Variants in AOAH observed in about 807,000 individuals in gnomAD.
The protein encoded by AOAH is acyloxyacyl hydrolase (neutrophil).
Under a neutral mutation model 92.2 loss-of-function variants are expected in AOAH, and 64 were observed. The ratio of observed to expected loss-of-function variants is 0.69; its 90% CI spans 0.57 to 0.86. The LOEUF (loss-of-function observed/expected upper bound fraction) is 0.86. Ranked by LOEUF, AOAH falls within the 40% of genes least tolerant of loss-of-function variation. The probability of loss-of-function intolerance (pLI) is 0.00; values close to 1 mark genes in which losing one functional copy is unlikely to be tolerated. For missense variants in AOAH, 656 were observed against 694.6 expected, an observed-to-expected ratio of 0.94 and a Z score of 0.62; for synonymous variants, 263 against 254.5, an observed-to-expected ratio of 1.03 and a Z score of -0.32.
chr7:36,652,764 G>A (rs1369218129), intron 4 of AOAH, among the ~76,000 whole-genome samples: 4 of 152,156 alleles, frequency 2.6e-5, no homozygotes, highest in South Asian at 2.1e-4. Context: ...TTTTACCGAC[G>A]TACTTAACCT....
intron 12 of AOAH, among the ~76,000 whole-genome samples, chr7:36,590,001 T>C (rs1405172503): frequency 6.6e-6 from 1 of 152,160 alleles, no homozygotes; most frequent in Non-Finnish European, 1.5e-5. Flanking sequence ...TGGAGTACAG[T>C]GGCGTGATCA....
At chr7:36,620,245 G>C (rs1375755704) in intron 9 of AOAH, among the ~76,000 whole-genome samples, 1 of 152,134 alleles carries the variant, frequency 6.6e-6, no homozygotes, top group Non-Finnish European at 1.5e-5. Flanking sequence ...GCCTGTTGCT[G>C]TGTTAGTTTG....
chr7:36,590,130 A>T lies in AOAH; in HGVS notation c.938+4209T>A, dbSNP rs146828208. Among the ~76,000 whole-genome samples, 34 of 152,062 alleles carry T rather than the reference A, an allele frequency of 2.2e-4. 1 individual carries two copies. Among genetic ancestry groups the T allele is most frequent in the African/African-American group, 7.0e-4 (29 of 41,498 alleles). On this transcript the variant is annotated intron_variant, in intron 12 of 20. Coordinates refer to ENST00000617537, the MANE Select transcript of AOAH (RefSeq NM_001637.4). ...CACCATGCCAGGCTAATTAAAAAAA[A>T]ATATTTTTTTAGAGATGAGGTCTTG...
intron 1 of AOAH, among the ~76,000 whole-genome samples, chr7:36,716,146 C>T (rs1799153016): frequency 6.6e-6 from 1 of 152,118 alleles, no homozygotes; most frequent in African/African-American, 2.4e-5. Flanking sequence ...ACAAACAACC[C>T]CATCAAAAAG....
chr7:36,537,882 GC>G (rs916621409), intron 16 of AOAH, among the ~76,000 whole-genome samples: 146 of 152,240 alleles, frequency 9.6e-4, no homozygotes, highest in African/African-American at 3.4e-3. Flanking sequence ...TGAGTGGGTT[GC>G]CCCCAGTTGA....
chr7:36,581,758 G>T (rs1473413207), intron 12 of AOAH, among the ~76,000 whole-genome samples: 1 of 152,086 alleles, frequency 6.6e-6, no homozygotes, highest in African/African-American at 2.4e-5. Flanking sequence ...TAAGAATATA[G>T]AAATCTTTAC....
intron 19 of AOAH, among the ~76,000 whole-genome samples, chr7:36,527,533 G>C (rs1784464580): frequency 6.6e-6 from 1 of 152,144 alleles, no homozygotes; most frequent in African/African-American, 2.4e-5. Flanking sequence ...ATGGAGCTGG[G>C]GGGTGGGTTG....
At chr7:36,667,699 T>C (rs898089615) in intron 3 of AOAH, among the ~76,000 whole-genome samples, 4 of 152,212 alleles carry the variant, frequency 2.6e-5, no homozygotes, top group African/African-American at 9.6e-5. Context: ...ATCCTTGCAG[T>C]TCCATCAGTT....
At chr7:36,717,545 C>T (rs1056238597) in intron 1 of AOAH, among the ~76,000 whole-genome samples, 2 of 152,016 alleles carry the variant, frequency 1.3e-5, no homozygotes, top group African/African-American at 4.8e-5. Context: ...GGGCATTAAA[C>T]CAGCTGGTCT....
chr7:36,596,589 G>C (rs373431027), intron 11 of AOAH, among the ~76,000 whole-genome samples: 4 of 152,136 alleles, frequency 2.6e-5, no homozygotes, highest in Non-Finnish European at 4.4e-5. Context: ...GCCGTGCAAT[G>C]GTGGAGGCAG....
intron 20 of AOAH, among the ~76,000 whole-genome samples, chr7:36,519,587 C>T (rs1032133586): frequency 3.9e-5 from 6 of 152,326 alleles, no homozygotes; most frequent in Admixed American, 2.6e-4. Flanking sequence ...TGTGCCACCA[C>T]GCCCAGCTAA....
At chr7:36,647,100 C>T (rs11771565) in intron 4 of AOAH, among the ~76,000 whole-genome samples, 29,680 of 152,148 alleles carry the variant, frequency 0.2, 3,214 homozygotes, top group Middle Eastern at 0.24. Context: ...AGGAATAAAA[C>T]AGCCAGACTG....
At chr7:36,540,753 T>C (rs529403847) in intron 15 of AOAH, among the ~76,000 whole-genome samples, 9 of 152,364 alleles carry the variant, frequency 5.9e-5, no homozygotes, top group Admixed American at 3.9e-4. Context: ...TGTGTCATAT[T>C]TGGTGATGTG....
At chr7:36,700,579 C>A (rs1797968923) in intron 1 of AOAH, among the ~76,000 whole-genome samples, 1 of 152,000 alleles carries the variant, frequency 6.6e-6, no homozygotes, top group Non-Finnish European at 1.5e-5. Context: ...ATCCAATGAT[C>A]CATTGATGGA....
chr7:36,623,630 G>A (rs1461582692), intron 6 of AOAH, among the ~76,000 whole-genome samples: 1 of 152,214 alleles, frequency 6.6e-6, no homozygotes, highest in African/African-American at 2.4e-5. Context: ...CATTGTTATA[G>A]AAATCTTTTC....
At chr7:36,711,643 G>C (rs1197092718) in intron 1 of AOAH, among the ~76,000 whole-genome samples, 1 of 152,194 alleles carries the variant, frequency 6.6e-6, no homozygotes, top group Non-Finnish European at 1.5e-5. Context: ...ATGGAGAAGA[G>C]AGAGTGTATG....
chr7:36,567,644 G>C (rs1787807268), intron 13 of AOAH, among the ~76,000 whole-genome samples: 1 of 152,196 alleles, frequency 6.6e-6, no homozygotes, highest in South Asian at 2.1e-4. Context: ...TGGCAATACT[G>C]GTGGGTAAAA....
At chr7:36,705,619 A>T (rs941743038) in intron 1 of AOAH, among the ~76,000 whole-genome samples, 7 of 152,182 alleles carry the variant, frequency 4.6e-5, no homozygotes, top group Non-Finnish European at 8.8e-5. Flanking sequence ...TCTTCACAGA[A>T]TTAGAAAAAA....
intron 13 of AOAH, among the ~76,000 whole-genome samples, chr7:36,571,561 C>G (rs533833904): frequency 1.3e-5 from 2 of 152,242 alleles, no homozygotes; most frequent in Non-Finnish European, 2.9e-5. Flanking sequence ...ACTCCCCAGG[C>G]TACAGCCATC....
Sources: allele counts gnomAD v4.1 joint callset (sites outside exome capture counted in the v4.1 genomes callset), GRCh38; gene constraint gnomAD v4.1.1; transcripts MANE v1.5; gene names NCBI Gene and HGNC (gene_info 2026-07-23, HGNC 2026-07-21).